CADPS: variants seen among roughly 807,000 people sequenced by gnomAD.
CADPS encodes the protein calcium-dependent secretion activator 1.
In CADPS, 57 loss-of-function variants were observed where a neutral mutation model predicts 167.3. That is an observed-to-expected ratio of 0.34 (90% CI 0.28 to 0.42). The LOEUF (loss-of-function observed/expected upper bound fraction) is 0.42. Among genes scored for constraint, CADPS ranks in the 20% least tolerant of loss-of-function variants. The probability of loss-of-function intolerance (pLI) is 1.00; values close to 1 mark genes in which losing one functional copy is unlikely to be tolerated. For synonymous variants in CADPS, 676 were observed against 635.3 expected, an observed-to-expected ratio of 1.06 and a Z score of -0.96; for missense variants, 1,414 against 1,738.1, an observed-to-expected ratio of 0.81 and a Z score of 3.32.
Position 62,533,074 on chromosome 3 carries a change from A to C in CADPS, c.2104-16T>G, listed in dbSNP as rs375415209. The C allele has an allele frequency of 1.9e-6, 3 of 1,602,866 alleles. No homozygotes were observed. Among genetic ancestry groups the C allele is most frequent in the Non-Finnish European group, 2.6e-6 (3 of 1,171,738 alleles). On this transcript the variant is annotated splice_polypyrimidine_tract_variant and intron_variant, in intron 12 of 29. Coordinates refer to ENST00000383710, the MANE Select transcript of CADPS (RefSeq NM_003716.4). Reference sequence around the variant, plus strand: ...TGAACCAGCCCTATATAAAGAATAAAGGAGAGACTTTCTTTTAAATACAGG... The same window carrying C: ...TGAACCAGCCCTATATAAAGAATAACGGAGAGACTTTCTTTTAAATACAGG...
chr3:62,692,476 C>T (rs9868884), intron 3 of CADPS, among the ~76,000 whole-genome samples: 24,771 of 152,036 alleles, frequency 0.16, 2,308 homozygotes, highest in Middle Eastern at 0.22. Flanking sequence ...CATTTGAAGA[C>T]ATTTGGCTTA....
intron 11 of CADPS, among the ~76,000 whole-genome samples, chr3:62,540,735 T>C (rs913201928): frequency 3.9e-5 from 6 of 152,274 alleles, no homozygotes; most frequent in South Asian, 2.1e-4. Context: ...TTCAAAGAAC[T>C]TGTGGGCGCT....
intron 6 of CADPS, among the ~76,000 whole-genome samples, chr3:62,638,596 C>CTG (rs2066804513): frequency 1.3e-5 from 2 of 152,068 alleles, no homozygotes; most frequent in African/African-American, 4.8e-5. Context: ...TGTTTCATAG[C>CTG]TACACAAGAT....
At chr3:62,797,786 C>A (rs903881740) in intron 1 of CADPS, among the ~76,000 whole-genome samples, 1 of 151,976 alleles carries the variant, frequency 6.6e-6, no homozygotes, top group East Asian at 1.9e-4. Context: ...ACCTATGTAA[C>A]AAACCTGCAC....
Position 62,495,314 on chromosome 3 carries a change from A to G in CADPS, c.2707-1649T>C, listed in dbSNP as rs541733231. On this transcript the variant is annotated intron_variant, in intron 18 of 29. Transcript: ENST00000383710. The stretch of plus-strand genomic sequence containing the variant: ...AACCTGACTCTCCAAGAAGAACAAA[A>G]TGATTCTAGCAAGGGCAGTAACAAC... Among the ~76,000 whole-genome samples the G allele has an allele frequency of 1.4e-3, 211 of 152,340 alleles. 1 individual carries two copies. Among genetic ancestry groups the G allele is most frequent in the Non-Finnish European group, 2.5e-3 (169 of 68,024 alleles).
chr3:62,691,545 C>T (rs999331954), intron 3 of CADPS, among the ~76,000 whole-genome samples: 2 of 152,000 alleles, frequency 1.3e-5, no homozygotes, highest in African/African-American at 2.4e-5. Context: ...AATGGTGCTT[C>T]CTTTCCTGGA....
Position 62,433,676 on chromosome 3 carries a change from T to C in CADPS, c.3777+4428A>G, listed in dbSNP as rs928668804. On this transcript the variant is annotated intron_variant, in intron 28 of 29. Transcript: ENST00000383710. This position sits in a 1 kb window ranked among gnomAD's most constrained non-coding sequence, Gnocchi z 4.7. ...CGAGATGGCTTTTTAATCACTCATCTCCGAGCCTGTGAGGTTTAAGCAGAT... is the reference window on the plus strand; with the variant it reads ...CGAGATGGCTTTTTAATCACTCATCCCCGAGCCTGTGAGGTTTAAGCAGAT... Among the ~76,000 whole-genome samples the C allele has an allele frequency of 6.6e-6, 1 of 152,158 alleles. No individual in the cohort carries two copies. Among genetic ancestry groups the C allele is most frequent in the African/African-American group, 2.4e-5 (1 of 41,432 alleles).
chr3:62,530,855 GC>G, intron 13 of CADPS: 3 of 1,112,744 alleles, frequency 2.7e-6, no homozygotes, highest in Non-Finnish European at 3.4e-6. Flanking sequence ...ACAGAGTGTG[GC>G]CAGCCATAGG....
intron 1 of CADPS, among the ~76,000 whole-genome samples, chr3:62,851,378 G>A (rs1004300733): frequency 4.4e-5 from 6 of 137,546 alleles, no homozygotes; most frequent in Non-Finnish European, 7.9e-5. Flanking sequence ...CTCGATGGTC[G>A]TTACATTTTG....
At chr3:62,626,608 C>T in intron 6 of CADPS, 2 of 698,512 alleles carry the variant, frequency 2.9e-6, no homozygotes, top group Non-Finnish European at 2.6e-6. Flanking sequence ...GGAAGAACGT[C>T]TTAAATTTGC....
chr3:62,423,126 G>A (rs569591639), intron 28 of CADPS, among the ~76,000 whole-genome samples: 25 of 152,310 alleles, frequency 1.6e-4, no homozygotes, highest in East Asian at 5.8e-4. Flanking sequence ...TCCCTACTGC[G>A]CTGTAGTCTC....
chr3:62,505,348 A>G (rs1311693031), intron 17 of CADPS, among the ~76,000 whole-genome samples: 2 of 152,134 alleles, frequency 1.3e-5, no homozygotes, highest in Admixed American at 1.3e-4. Context: ...GATTTTTCCC[A>G]TGCTTTTCAT....
intron 26 of CADPS, among the ~76,000 whole-genome samples, chr3:62,449,213 C>T (rs2057685451): frequency 6.6e-6 from 1 of 152,182 alleles, no homozygotes; most frequent in Admixed American, 6.5e-5. Flanking sequence ...ATAGAGACCT[C>T]CACCTCACTG....
chr3:62,796,601 A>G (rs1185279118), intron 1 of CADPS, among the ~76,000 whole-genome samples: 3 of 152,194 alleles, frequency 2.0e-5, no homozygotes, highest in African/African-American at 7.2e-5. Context: ...TATAGCAGAG[A>G]GAGTCTAGGC....
chr3:62,561,699 G>A (rs1286905713), intron 9 of CADPS, among the ~76,000 whole-genome samples: 1 of 152,114 alleles, frequency 6.6e-6, no homozygotes, highest in Admixed American at 6.5e-5. Flanking sequence ...GAGATGAAAA[G>A]GTTAGACTTT....
intron 1 of CADPS, among the ~76,000 whole-genome samples, chr3:62,807,976 C>T (rs527758581): frequency 5.7e-4 from 86 of 151,998 alleles, no homozygotes; most frequent in Admixed American, 1.0e-3. Flanking sequence ...CGGGTTCACG[C>T]GATTCTCCTG....
chr3:62,422,422 A>G (rs2051624101), intron 28 of CADPS, among the ~76,000 whole-genome samples: 1 of 152,226 alleles, frequency 6.6e-6, no homozygotes, highest in African/African-American at 2.4e-5. Context: ...ATCTATCGGG[A>G]AAGCTCTTTA....
chr3:62,670,670 C>T (rs1338400924), intron 3 of CADPS, among the ~76,000 whole-genome samples: 5 of 151,936 alleles, frequency 3.3e-5, no homozygotes, highest in Non-Finnish European at 7.4e-5. Flanking sequence ...GAACAAGCAG[C>T]CAATAAATAC....
intron 28 of CADPS, among the ~76,000 whole-genome samples, chr3:62,406,985 T>A (rs1477424856): frequency 6.6e-6 from 1 of 152,184 alleles, no homozygotes; most frequent in African/African-American, 2.4e-5. Flanking sequence ...AGAGACTCGG[T>A]TTCCTGATGA....
Sources: allele counts gnomAD v4.1 joint callset (sites outside exome capture counted in the v4.1 genomes callset), GRCh38; gene constraint gnomAD v4.1.1; non-coding constraint Gnocchi (gnomAD v3.1); transcripts MANE v1.5; gene names NCBI Gene and HGNC (gene_info 2026-07-23, HGNC 2026-07-21).